The following ABCC8 variants were observed in gnomAD, a reference collection of about 807,000 sequenced individuals.
ABCC8 encodes ATP binding cassette subfamily C member 8, also known as ATP-binding cassette sub-family C member 8.
In ABCC8, 137 loss-of-function variants were observed where a neutral mutation model predicts 188.0. That is an observed-to-expected ratio of 0.73 (90% CI 0.63 to 0.84). ABCC8 has a LOEUF of 0.84. Among genes scored for constraint, ABCC8 ranks in the 40% least tolerant of loss-of-function variants. The probability of loss-of-function intolerance (pLI) is 0.00; values close to 1 mark genes in which losing one functional copy is unlikely to be tolerated. For missense variants in ABCC8, 1,750 were observed against 2,072.7 expected (o/e 0.84, Z 3.02); for synonymous variants, 797 against 846.5 (o/e 0.94, Z 1.01).
At chr11:17,446,722 G>A (rs1956543959) in intron 8 of ABCC8, among the ~76,000 whole-genome samples, 1 of 152,100 alleles carries the variant, frequency 6.6e-6, no homozygotes. Context: ...AATGGGGGAT[G>A]GCATATATGA....
At chr11:17,460,306 C>G (rs940914214) in intron 6 of ABCC8, among the ~76,000 whole-genome samples, 182 bp downstream of exon 6, 1 of 152,218 alleles carries the variant, frequency 6.6e-6, no homozygotes, top group Non-Finnish European at 1.5e-5. Context: ...TAGGCTCGCC[C>G]TCTGGCATTT....
intron 21 of ABCC8, 101 bp from the exon 22 acceptor site, chr11:17,410,754 C>G: frequency 6.5e-7 from 1 of 1,542,042 alleles, no homozygotes; most frequent in Non-Finnish European, 8.9e-7. Context: ...CAACTCTGCT[C>G]TAGGGACTGA....
In ABCC8 at chr11:17,393,864, C is replaced by A. The variant is rs1170049217; in HGVS notation, c.4546-105G>T. On this transcript the variant is annotated intron_variant, in intron 37 of 38. Transcript: ENST00000389817. Reference sequence around the variant, plus strand: ...GGTCTGTGGCTCAGCTCCCATCTGACCCCGATCCTAGTCCCACCCCCACCC... The same window carrying A: ...GGTCTGTGGCTCAGCTCCCATCTGAACCCGATCCTAGTCCCACCCCCACCC... 13 of 1,609,014 alleles carry A rather than the reference C, an allele frequency of 8.1e-6. No homozygotes were observed. The Admixed American group carries it at 8.4e-5, about 10-fold the overall frequency.
intron 10 of ABCC8, among the ~76,000 whole-genome samples, chr11:17,432,824 A>T (rs999595053): frequency 1.3e-5 from 2 of 152,156 alleles, no homozygotes; most frequent in Admixed American, 6.5e-5. Flanking sequence ...TCTGTTAAAC[A>T]TGTGGCCTTT....
At chr11:17,455,411 A>C (rs1956956246) in intron 6 of ABCC8, among the ~76,000 whole-genome samples, 1 of 152,196 alleles carries the variant, frequency 6.6e-6, no homozygotes, top group African/African-American at 2.4e-5. Context: ...ATTTTTAACA[A>C]AACAACAAAT....
intron 2 of ABCC8, among the ~76,000 whole-genome samples, chr11:17,470,923 G>C (rs1278927369): frequency 6.6e-6 from 1 of 152,194 alleles, no homozygotes; most frequent in Non-Finnish European, 1.5e-5. Flanking sequence ...GGCCTGGTGA[G>C]GAGGGTCACC....
chr11:17,437,837 G>T (rs1035861988), intron 10 of ABCC8, among the ~76,000 whole-genome samples: 5 of 152,246 alleles, frequency 3.3e-5, no homozygotes, highest in Admixed American at 6.5e-5. Flanking sequence ...AGTGGCTCAT[G>T]CTTGTAATCC....
At chr11:17,439,035 T>C (rs944936146) in intron 10 of ABCC8, among the ~76,000 whole-genome samples, 12 of 152,224 alleles carry the variant, frequency 7.9e-5, no homozygotes, top group Non-Finnish European at 1.8e-4. Flanking sequence ...TAGTGGAGCA[T>C]AAACTCCTGG....
chr11:17,395,475 TG>T (rs1314284274), intron 35 of ABCC8, 134 bp downstream of exon 35: 1 of 1,462,822 alleles, frequency 6.8e-7, no homozygotes, highest in Non-Finnish European at 9.2e-7. Context: ...CTGGGCCTGA[TG>T]GGATGGAGAA....
intron 22 of ABCC8, among the ~76,000 whole-genome samples, chr11:17,408,807 G>A (rs1954664478): frequency 6.6e-6 from 1 of 152,300 alleles, no homozygotes; most frequent in East Asian, 1.9e-4. Context: ...CTCCACCCAC[G>A]GCAGCGGCCG....
intron 17 of ABCC8, among the ~76,000 whole-genome samples, chr11:17,416,471 T>TAAA (rs1056356381): frequency 1.3e-5 from 2 of 151,252 alleles, no homozygotes; most frequent in Non-Finnish European, 3.0e-5. Context: ...TCCTGTCACT[T>TAAA]AAAAAAAAAT....
rs927708047 is a variant in ABCC8 at position 17,404,005 on chromosome 11, C to T, written c.3557+507G>A. On this transcript the variant is annotated intron_variant, in intron 28 of 38. Coordinates refer to ENST00000389817, the MANE Select transcript of ABCC8 (RefSeq NM_000352.6). The surrounding 1 kb of genome is among the most constrained non-coding windows in gnomAD (Gnocchi z 4.7). ...TAGAAAATTTTGAGGAGGAAAGAGG[C>T]GTGCATGGATCCAAAGCTCATGAGG... Among the ~76,000 whole-genome samples, 3 of 152,144 alleles carry T rather than the reference C, an allele frequency of 2.0e-5. No homozygotes were observed. Among genetic ancestry groups the T allele is most frequent in the African/African-American group, 7.2e-5 (3 of 41,438 alleles).
intron 6 of ABCC8, among the ~76,000 whole-genome samples, chr11:17,455,409 C>T (rs1325744009): frequency 2.0e-5 from 3 of 152,140 alleles, no homozygotes; most frequent in Non-Finnish European, 4.4e-5. Context: ...GCATTTTTAA[C>T]AAAACAACAA....
At chr11:17,441,271 A>G (rs1350553678) in intron 10 of ABCC8, among the ~76,000 whole-genome samples, 1 of 152,078 alleles carries the variant, frequency 6.6e-6, no homozygotes, top group Non-Finnish European at 1.5e-5. Flanking sequence ...ATAGCCTGAG[A>G]CCAGGAGTTA....
In ABCC8 at chr11:17,461,534, C is replaced by A. The variant is rs777559129; in HGVS notation, c.822+49G>T. ...GCCCTTTGAGGTCCCTCTCTGTGAC[C>A]CTAAACCAGAAGGCAGTGAATAGAT... On this transcript the variant is annotated intron_variant, in intron 5 of 38. Transcript: ENST00000389817. 3.7e-6 allele frequency: 6 copies of A among 1,612,230 alleles called. No homozygotes were observed. In the African/African-American group the frequency reaches 4.0e-5, roughly 11 times the overall value.
chr11:17,409,663 A>G (rs7947462), intron 22 of ABCC8, among the ~76,000 whole-genome samples: 117,643 of 152,110 alleles, frequency 0.77, 46,373 homozygotes, highest in African/African-American at 0.93. Context: ...CTGAAGCTCA[A>G]AGAGGGCCTC....
intron 10 of ABCC8, chr11:17,436,045 G>T (rs1956082630): frequency 1.8e-6 from 2 of 1,090,210 alleles, no homozygotes; most frequent in African/African-American, 1.5e-5. Flanking sequence ...GTTTGAACTT[G>T]TGTTCTTATT....
In ABCC8 at chr11:17,430,831, G is replaced by A. The variant is rs371181016; in HGVS notation, c.1800C>T (p.Thr600=). The stretch of plus-strand genomic sequence containing the variant: ...CCCCTCACCTCACTAGAGCTTTGAC[G>A]GTAGATCGGACCACACTGGACAGCA... ...LFLLSSVVRS[T]VKALVSVQKL... is the part of the protein sequence containing the mutation. Residue 600 remains threonine (T), a synonymous_variant, in exon 12 of 39, where the codon ACC becomes ACT. Transcript: ENST00000389817. 20 of 1,614,072 alleles carry A rather than the reference G, an allele frequency of 1.2e-5. No individual in the cohort carries two copies. The highest frequency in any genetic ancestry group is 9.3e-5 in the African/African-American group (7 of 74,942).
intron 19 of ABCC8, among the ~76,000 whole-genome samples, chr11:17,413,720 G>A (rs1363867092): frequency 1.3e-5 from 2 of 152,208 alleles, no homozygotes; most frequent in African/African-American, 4.8e-5. Flanking sequence ...CAAATATGCA[G>A]AGTAAGTGAT....
Sources: gnomAD v4.1 joint callset for allele counts (sites outside exome capture counted in the v4.1 genomes callset) on GRCh38, gnomAD v4.1.1 for gene constraint, Gnocchi (gnomAD v3.1) non-coding constraint, MANE v1.5 for transcripts, NCBI Gene and HGNC (gene_info 2026-07-23, HGNC 2026-07-21) for gene names.